PCDH11Y: variants seen among roughly 807,000 people sequenced by gnomAD.
The protein encoded by PCDH11Y is protocadherin-11 Y-linked.
For missense variants in PCDH11Y, 12 were observed against 224.8 expected, an observed-to-expected ratio of 0.05 and a Z score of 6.05; for synonymous variants, 9 against 83.6, an observed-to-expected ratio of 0.11 and a Z score of 4.87.
Position 5,417,345 on chromosome Y carries a change from A to G in PCDH11Y, c.3130-83712A>G, listed in dbSNP as rs1602922550. 2.7e-4 allele frequency among the ~76,000 whole-genome samples: 8 copies of G among 30,031 alleles called. No individual in the cohort carries two copies. The East Asian group carries it at 7.1e-3, about 27-fold the overall frequency. 80.6% of individuals were successfully genotyped at this position (30,031 alleles called of 37,273 possible). A position where few individuals can be genotyped will look rare whatever the true frequency, so the allele number is the denominator to read the frequency against. On this transcript the variant is annotated intron_variant, in intron 2 of 4. Coordinates refer to the PCDH11Y transcript ENST00000400457. Reference sequence around the variant, plus strand: ...GATATTGTTTTGATGTGGCTGTAGGACATCCTGTTGAAGATGCTTAGCAGG... The same window carrying G: ...GATATTGTTTTGATGTGGCTGTAGGGCATCCTGTTGAAGATGCTTAGCAGG...
Position 5,437,567 on chromosome Y carries a change from C to T in PCDH11Y, c.3130-63490C>T, listed in dbSNP as rs1602925405. Among the ~76,000 whole-genome samples, 5 of 31,909 alleles carry T rather than the reference C, an allele frequency of 1.6e-4. No individual in the cohort carries two copies. The East Asian group carries it at 4.2e-3, about 27-fold the overall frequency. The allele number at this position is 31,909 out of a possible 37,273, so 85.6% of individuals were successfully genotyped here. The stretch of plus-strand genomic sequence containing the variant: ...TCCATCTTGAATGCTGGCTTTCAGA[C>T]CTGCCTCTTCACTGGTGACTTGGTG... On this transcript the variant is annotated intron_variant, in intron 2 of 4. Transcript: ENST00000400457.
intron 2 of PCDH11Y, among the ~76,000 whole-genome samples, chrY:5,231,669 A>G (rs2052967910): frequency 3.1e-5 from 1 of 32,622 alleles, no homozygotes; most frequent in African/African-American, 1.2e-4. Context: ...TGTTTGCTCA[A>G]GGCTCTGGTG....
At chrY:5,558,601 GA>G (rs35504499) in intron 3 of PCDH11Y, among the ~76,000 whole-genome samples, 1 of 27,643 alleles carries the variant, frequency 3.6e-5, no homozygotes, top group South Asian at 8.3e-4. Flanking sequence ...CAACTTGCTT[GA>G]AAAAAAAATG....
intron 2 of PCDH11Y, among the ~76,000 whole-genome samples, chrY:5,358,520 G>A: frequency 3.0e-5 from 1 of 32,802 alleles, no homozygotes; most frequent in Non-Finnish European, 7.5e-5. Flanking sequence ...GGAGACATGA[G>A]CCTTCTATCA....
chrY:5,381,338 C>T, intron 2 of PCDH11Y, among the ~76,000 whole-genome samples: 2 of 32,474 alleles, frequency 6.2e-5, no homozygotes, highest in Non-Finnish European at 1.5e-4. Context: ...CAAGTTCTTA[C>T]CCCTTCAAAT....
chrY:5,200,858 A>G (rs1602885486), intron 2 of PCDH11Y, among the ~76,000 whole-genome samples: 9 of 34,060 alleles, frequency 2.6e-4, no homozygotes, highest in African/African-American at 5.7e-4. Context: ...AAAATAAAAT[A>G]GATGTAATTT....
At chrY:5,708,161 T>G in intron 4 of PCDH11Y, among the ~76,000 whole-genome samples, 1 of 33,269 alleles carries the variant, frequency 3.0e-5, no homozygotes, top group Non-Finnish European at 7.4e-5. Context: ...AAAAATATTC[T>G]TCAAACATGA....
At chrY:5,659,641 A>C in intron 4 of PCDH11Y, among the ~76,000 whole-genome samples, 1 of 28,916 alleles carries the variant, frequency 3.5e-5, no homozygotes, top group South Asian at 8.4e-4. Context: ...ATTGTAGTGA[A>C]TGTTGCCAGA....
At chrY:5,311,287 T>G (rs2053099323) in intron 2 of PCDH11Y, among the ~76,000 whole-genome samples, 1 of 30,357 alleles carries the variant, frequency 3.3e-5, no homozygotes, top group African/African-American at 1.3e-4. Context: ...TTTTACTATA[T>G]TAAGCATATT....
At chrY:5,737,064 A>G in intron 4 of PCDH11Y, among the ~76,000 whole-genome samples, 1 of 32,195 alleles carries the variant, frequency 3.1e-5, no homozygotes, top group Non-Finnish European at 7.6e-5. Context: ...TATGATAATG[A>G]GACCTCATCC....
intron 2 of PCDH11Y, among the ~76,000 whole-genome samples, chrY:5,257,352 G>T: frequency 6.0e-5 from 2 of 33,153 alleles, no homozygotes; most frequent in African/African-American, 1.2e-4. Context: ...CAATTGATTT[G>T]CATATGTTGA....
chrY:5,112,632 C>T, intron 2 of PCDH11Y, among the ~76,000 whole-genome samples: 2 of 33,175 alleles, frequency 6.0e-5, no homozygotes, highest in African/African-American at 1.2e-4. Flanking sequence ...TATATACATG[C>T]GTACATGCCT....
intron 2 of PCDH11Y, among the ~76,000 whole-genome samples, chrY:5,319,105 C>T: frequency 1.8e-4 from 6 of 32,653 alleles, no homozygotes; most frequent in African/African-American, 7.1e-4. Flanking sequence ...TAAAGGAATA[C>T]ACAAAAAATC....
chrY:5,385,248 C>G, intron 2 of PCDH11Y, among the ~76,000 whole-genome samples: 2 of 27,142 alleles, frequency 7.4e-5, no homozygotes, highest in Admixed American at 3.6e-4. Context: ...ACGAATCTCC[C>G]AAGCAGCATA....
In PCDH11Y at chrY:5,586,492, G is replaced by A. The variant is rs376409235; in HGVS notation, c.3352+4694G>A. Reference sequence around the variant, plus strand: ...GTTGTTTAACAGCTTCAGAAGCTTCGGGGCTGAAAAAATGTTTTTTTTGTT... The same window carrying A: ...GTTGTTTAACAGCTTCAGAAGCTTCAGGGCTGAAAAAATGTTTTTTTTGTT... On this transcript the variant is annotated intron_variant, in intron 4 of 4. Coordinates refer to the PCDH11Y transcript ENST00000400457. Among the ~76,000 whole-genome samples, 174 of 31,641 alleles carry A rather than the reference G, an allele frequency of 5.5e-3. No individual in the cohort carries two copies. The South Asian group carries it at 0.089, about 16-fold the overall frequency. The allele number at this position is 31,641 out of a possible 37,273, so 84.9% of individuals were successfully genotyped here. A position where few individuals can be genotyped will look rare whatever the true frequency, so the allele number is the denominator to read the frequency against.
intron 4 of PCDH11Y, among the ~76,000 whole-genome samples, chrY:5,720,359 T>C: frequency 3.8e-5 from 1 of 26,054 alleles, no homozygotes; most frequent in Non-Finnish European, 8.9e-5. Context: ...CCACGTGTTG[T>C]GGGAGGGAAC....
chrY:5,014,584 A>G (rs2124618909), intron 1 of PCDH11Y, among the ~76,000 whole-genome samples: 3 of 33,513 alleles, frequency 9.0e-5, no homozygotes, highest in African/African-American at 3.5e-4. Flanking sequence ...TTCTATTTTC[A>G]AATAATTTCG....
intron 2 of PCDH11Y, among the ~76,000 whole-genome samples, chrY:5,114,191 T>C: frequency 3.1e-5 from 1 of 32,032 alleles, no homozygotes; most frequent in Non-Finnish European, 7.5e-5. Context: ...TCATTGCACA[T>C]AGAATAAAGC....
downstream of PCDH11Y, among the ~76,000 whole-genome samples, chrY:5,106,049 C>A: frequency 1.2e-4 from 4 of 33,350 alleles, no homozygotes; most frequent in Admixed American, 1.1e-3. Context: ...TCAACTAACT[C>A]ATTTCCTACA....
Sources: gnomAD v4.1 joint callset for allele counts (sites outside exome capture counted in the v4.1 genomes callset) on GRCh38, gnomAD v4.1.1 for gene constraint, MANE v1.5 for transcripts, NCBI Gene and HGNC (gene_info 2026-07-23, HGNC 2026-07-21) for gene names.